Variants in LINGO3 observed in about 807,000 individuals in gnomAD.
The protein encoded by LINGO3 is leucine rich repeat and Ig domain containing 3.
For synonymous variants in LINGO3, 427 were observed against 444.2 expected (o/e 0.96, Z 0.49); for missense variants, 750 against 867.7 (o/e 0.86, Z 1.70).
chr19:2,306,203 C>G, the LINGO3 span, among the ~76,000 whole-genome samples: 1 of 152,308 alleles, frequency 6.6e-6, no homozygotes, highest in East Asian at 1.9e-4. Context: ...GACTGAGGGT[C>G]AGAGTGGGCC....
Position 2,290,514 on chromosome 19 carries a change from C to A in LINGO3, c.1263G>T (p.Ala421=). 1 of 1,506,730 alleles carries A rather than the reference C, an allele frequency of 6.6e-7. No individual in the cohort carries two copies. Among genetic ancestry groups the A allele is most frequent in the Non-Finnish European group, 8.8e-7 (1 of 1,132,384 alleles). 93.3% of individuals were successfully genotyped at this position (1,506,730 alleles called of 1,614,324 possible). A position where few individuals can be genotyped will look rare whatever the true frequency, so the allele number is the denominator to read the frequency against. The stretch of plus-strand genomic sequence containing the variant: ...GGCAGAGGAAGCGGACGTCTTCGCC[C>A]GCGGTGGCCGTGACGCGCTGCAGCC... The change falls in exon 1 of 1, where the codon GCG becomes GCT. Residue 421 remains alanine (A), a synonymous_variant. Coordinates refer to ENST00000585527, the Ensembl canonical transcript of LINGO3. This position sits in a 1 kb window ranked among gnomAD's most constrained non-coding sequence, Gnocchi z 6.0.
upstream of LINGO3, among the ~76,000 whole-genome samples, chr19:2,292,508 G>C (rs1300335304): frequency 2.0e-5 from 3 of 149,120 alleles, no homozygotes; most frequent in Non-Finnish European, 4.4e-5. Flanking sequence ...TTGTCTGTTT[G>C]AGATGGAGGC....
downstream of LINGO3, among the ~76,000 whole-genome samples, chr19:2,288,566 G>T (rs760838165): frequency 2.6e-5 from 4 of 152,214 alleles, no homozygotes; most frequent in Non-Finnish European, 4.4e-5. The surrounding 1 kb of genome is among the most constrained non-coding windows in gnomAD (Gnocchi z 6.5). Flanking sequence ...CCTCTCCCTT[G>T]TGGGGTGGCC....
the LINGO3 span, among the ~76,000 whole-genome samples, chr19:2,303,671 C>T: frequency 1.3e-5 from 2 of 152,334 alleles, no homozygotes; most frequent in East Asian, 1.9e-4. Context: ...CTGCGTGGTC[C>T]GACCCCAGGT....
At chr19:2,288,020 C>T (rs1021389942), downstream of LINGO3, among the ~76,000 whole-genome samples, 3 of 152,170 alleles carry the variant, frequency 2.0e-5, no homozygotes, top group African/African-American at 7.2e-5. This position sits in a 1 kb window ranked among gnomAD's most constrained non-coding sequence, Gnocchi z 6.5. Flanking sequence ...TGTGAGGAGG[C>T]CAGGTCACAG....
upstream of LINGO3, among the ~76,000 whole-genome samples, chr19:2,292,399 CAAAAAAAAAAAA>C (rs1156254881): frequency 2.3e-5 from 1 of 42,592 alleles, no homozygotes; most frequent in Non-Finnish European, 4.6e-5. Context: ...AACCCTGTCT[CAAAAAAAAAAAA>C]AAAAAAAAAA....
chr19:2,297,293 TC>T, the LINGO3 span, among the ~76,000 whole-genome samples: 4 of 53,352 alleles, frequency 7.5e-5, no homozygotes, highest in Admixed American at 8.4e-4. Flanking sequence ...GCATGCACCC[TC>T]CCTCCCCCCC....
chr19:2,291,843 G>T, exon 1 of LINGO3: 1 of 1,363,010 alleles, frequency 7.3e-7, no homozygotes, highest in Non-Finnish European at 9.9e-7. Context: ...GCGGGGAGCG[G>T]GCAGCGTTAG....
At chr19:2,293,043 G>T (rs1599165037), upstream of LINGO3, among the ~76,000 whole-genome samples, 1 of 149,700 alleles carries the variant, frequency 6.7e-6, no homozygotes, top group East Asian at 2.0e-4. Context: ...GACACAAAAG[G>T]CCACACTGTA....
the LINGO3 span, among the ~76,000 whole-genome samples, chr19:2,298,455 C>T: frequency 2.0e-5 from 3 of 151,930 alleles, no homozygotes; most frequent in African/African-American, 7.3e-5. Flanking sequence ...TGGTCTCGAA[C>T]TCCTGGGCTG....
chr19:2,301,666 A>C, the LINGO3 span, among the ~76,000 whole-genome samples: 2 of 152,136 alleles, frequency 1.3e-5, no homozygotes, highest in Non-Finnish European at 2.9e-5. Flanking sequence ...GCGGTGGCTC[A>C]CGCGTCATCC....
In LINGO3 at chr19:2,290,478, G is replaced by C. The variant is rs1484387613; in HGVS notation, c.1299C>G (p.Gly433=). The C allele has an allele frequency of 2.7e-5, 39 of 1,465,316 alleles. No homozygotes were observed. Among genetic ancestry groups the C allele is most frequent in the Non-Finnish European group, 3.1e-5 (35 of 1,114,678 alleles). 90.8% of individuals were successfully genotyped at this position (1,465,316 alleles called of 1,614,324 possible). A position where few individuals can be genotyped will look rare whatever the true frequency, so the allele number is the denominator to read the frequency against. ...CCCAGGCCACGGTGGGCGCCGGCTC[G>C]CCCTCGGCGCGGCAGAGGAAGCGGA... The change falls in exon 1 of 1, where the codon GGC becomes GGG. Residue 433 remains glycine (G), a synonymous_variant. Coordinates refer to ENST00000585527, the Ensembl canonical transcript of LINGO3. The surrounding 1 kb of genome is among the most constrained non-coding windows in gnomAD (Gnocchi z 6.0).
At chr19:2,304,676 C>T in the LINGO3 span, among the ~76,000 whole-genome samples, 1 of 146,980 alleles carries the variant, frequency 6.8e-6, no homozygotes, top group Non-Finnish European at 1.5e-5. Flanking sequence ...ACCTGGAATG[C>T]GCAGCAGGAG....
exon 1 of LINGO3, chr19:2,291,875 G>A (rs1409455479): frequency 2.7e-6 from 3 of 1,105,980 alleles, no homozygotes; most frequent in African/African-American, 1.6e-5. Context: ...CCCCTCCGCG[G>A]CGCCTCTGCC....
the LINGO3 span, among the ~76,000 whole-genome samples, chr19:2,300,045 T>TA: frequency 6.8e-6 from 1 of 146,688 alleles, no homozygotes; most frequent in Admixed American, 6.8e-5. Context: ...TTTTTTTTTT[T>TA]ATTGAGTCGG....
chr19:2,296,698 C>T (rs926570277), upstream of LINGO3, among the ~76,000 whole-genome samples: 7 of 151,130 alleles, frequency 4.6e-5, no homozygotes, highest in Non-Finnish European at 8.8e-5. Flanking sequence ...AGGTTGGTTT[C>T]GAACTCCACT....
chr19:2,303,868 C>G, the LINGO3 span, among the ~76,000 whole-genome samples: 9 of 152,336 alleles, frequency 5.9e-5, no homozygotes, highest in East Asian at 1.5e-3. Flanking sequence ...CACTCCAGAG[C>G]CAGGACAAGA....
At chr19:2,297,602 CTTTTTTTT>C in the LINGO3 span, among the ~76,000 whole-genome samples, 3 of 130,982 alleles carry the variant, frequency 2.3e-5, no homozygotes, top group Non-Finnish European at 5.0e-5. Flanking sequence ...CGCACCCGGC[CTTTTTTTT>C]TTTTTTTTTT....
chr19:2,288,050 T>C (rs1328985500), downstream of LINGO3, among the ~76,000 whole-genome samples: 2 of 152,140 alleles, frequency 1.3e-5, no homozygotes, highest in Non-Finnish European at 2.9e-5. The surrounding 1 kb of genome is among the most constrained non-coding windows in gnomAD (Gnocchi z 6.5). Context: ...GTGGTCCCGG[T>C]CTGGTGCCTG....
Sources: gnomAD v4.1 joint callset for allele counts (sites outside exome capture counted in the v4.1 genomes callset) on GRCh38, gnomAD v4.1.1 for gene constraint, Gnocchi (gnomAD v3.1) non-coding constraint, MANE v1.5 for transcripts, NCBI Gene and HGNC (gene_info 2026-07-23, HGNC 2026-07-21) for gene names.